The following RABGAP1L variants were observed in gnomAD, a reference collection of about 807,000 sequenced individuals.
The protein encoded by RABGAP1L is rab GTPase-activating protein 1-like.
Under a neutral mutation model 137.7 loss-of-function variants are expected in RABGAP1L, and 63 were observed. The ratio of observed to expected loss-of-function variants is 0.46; its 90% confidence interval spans 0.37 to 0.56. RABGAP1L has a LOEUF of 0.56. Among genes scored for constraint, RABGAP1L ranks in the 20% least tolerant of loss-of-function variants. The pLI, the probability that RABGAP1L is intolerant of heterozygous loss-of-function variation, is 0.00. For missense variants in RABGAP1L, 1,095 were observed against 1,244.0 expected (o/e 0.88, Z 1.80); for synonymous variants, 431 against 433.7 (o/e 0.99, Z 0.08).
chr1:174,969,003 T>G (rs1215563503), intron 20 of RABGAP1L, among the ~76,000 whole-genome samples: 1 of 152,184 alleles, frequency 6.6e-6, no homozygotes, highest in African/African-American at 2.4e-5. Flanking sequence ...GGGGATATGC[T>G]CAGAAAGTTT....
intron 19 of RABGAP1L, among the ~76,000 whole-genome samples, chr1:174,920,339 G>C (rs778864900): frequency 1.3e-5 from 2 of 152,174 alleles, no homozygotes; most frequent in Non-Finnish European, 2.9e-5. Context: ...GAGAGAGCTG[G>C]TGCAGGGAAA....
intron 18 of RABGAP1L, among the ~76,000 whole-genome samples, chr1:174,776,392 T>A (rs538752512): frequency 2.9e-4 from 44 of 151,510 alleles, no homozygotes; most frequent in South Asian, 2.3e-3. Context: ...AAAAAAAAAA[T>A]AATAATAAAG....
chr1:174,578,307 C>T (rs1027316096), intron 13 of RABGAP1L, among the ~76,000 whole-genome samples: 1 of 152,132 alleles, frequency 6.6e-6, no homozygotes, highest in Admixed American at 6.5e-5. Context: ...GCCTCAGCTT[C>T]CTGAGTAGCT....
At chr1:174,449,968 T>C (rs1358197593) in intron 13 of RABGAP1L, among the ~76,000 whole-genome samples, 2 of 152,194 alleles carry the variant, frequency 1.3e-5, no homozygotes, top group African/African-American at 4.8e-5. Flanking sequence ...AAGAATCTAC[T>C]GTATAGAGCA....
chr1:174,503,394 G>A (rs963923709), intron 13 of RABGAP1L, among the ~76,000 whole-genome samples: 1 of 152,140 alleles, frequency 6.6e-6, no homozygotes, highest in African/African-American at 2.4e-5. Context: ...CAGCATGATG[G>A]CTCATGCCTG....
chr1:174,723,246 T>C (rs1681721167), intron 17 of RABGAP1L, among the ~76,000 whole-genome samples: 1 of 152,164 alleles, frequency 6.6e-6, no homozygotes, highest in African/African-American at 2.4e-5. Context: ...GGCTCATTTT[T>C]GTATTTTTAG....
intron 13 of RABGAP1L, among the ~76,000 whole-genome samples, chr1:174,454,936 G>C (rs1655880433): frequency 1.3e-5 from 2 of 152,074 alleles, no homozygotes; most frequent in Admixed American, 1.3e-4. Flanking sequence ...CTCTGCGTTA[G>C]GAAATAGGCT....
intron 13 of RABGAP1L, among the ~76,000 whole-genome samples, chr1:174,587,013 C>A (rs2148112920): frequency 6.6e-6 from 1 of 151,776 alleles, no homozygotes; most frequent in South Asian, 2.1e-4. Context: ...GTTTTTTGTT[C>A]TTGCGATAGT....
chr1:174,637,058 C>T (rs373520848), intron 13 of RABGAP1L, among the ~76,000 whole-genome samples: 141 of 152,134 alleles, frequency 9.3e-4, no homozygotes, highest in African/African-American at 3.1e-3. Flanking sequence ...CTATGTTATC[C>T]CATTAAGTGA....
intron 13 of RABGAP1L, among the ~76,000 whole-genome samples, chr1:174,416,645 A>G (rs536623139): frequency 1.3e-5 from 2 of 152,232 alleles, no homozygotes; most frequent in South Asian, 4.2e-4. Context: ...AAATATATAT[A>G]AACAAACGTG....
At chr1:174,489,840 C>T (rs1558278025) in intron 13 of RABGAP1L, among the ~76,000 whole-genome samples, 1 of 152,038 alleles carries the variant, frequency 6.6e-6, no homozygotes, top group Non-Finnish European at 1.5e-5. Context: ...CTATGGAGTA[C>T]TATACAAATA....
intron 1 of RABGAP1L, among the ~76,000 whole-genome samples, chr1:174,213,379 T>C (rs1298197295): frequency 1.3e-5 from 2 of 152,176 alleles, no homozygotes; most frequent in East Asian, 3.9e-4. Context: ...GAGCCGAGAT[T>C]GTGCCACTGC....
At chr1:174,541,169 A>G (rs1199727361) in intron 13 of RABGAP1L, among the ~76,000 whole-genome samples, 1 of 152,200 alleles carries the variant, frequency 6.6e-6, no homozygotes, top group Non-Finnish European at 1.5e-5. Context: ...GAAGTTGCTT[A>G]TCAGCTTAGG....
intron 13 of RABGAP1L, among the ~76,000 whole-genome samples, chr1:174,618,166 C>T (rs1310510946): frequency 5.9e-5 from 9 of 152,206 alleles, no homozygotes; most frequent in African/African-American, 2.2e-4. Flanking sequence ...GAGTGGAGCC[C>T]ACCGCAGCTT....
At chr1:174,673,563 G>T (rs1408512527) in intron 14 of RABGAP1L, among the ~76,000 whole-genome samples, 1 of 152,052 alleles carries the variant, frequency 6.6e-6, no homozygotes, top group African/African-American at 2.4e-5. Context: ...AAAGCAAAAA[G>T]AAAATGCTAA....
At chr1:174,940,047 A>G (rs1573925402) in intron 19 of RABGAP1L, among the ~76,000 whole-genome samples, 1 of 152,162 alleles carries the variant, frequency 6.6e-6, no homozygotes, top group South Asian at 2.1e-4. Flanking sequence ...AGGCATCCCA[A>G]TGGAGTTTGG....
intron 19 of RABGAP1L, among the ~76,000 whole-genome samples, chr1:174,918,826 C>CG (rs951386702): frequency 8.4e-6 from 1 of 118,632 alleles, no homozygotes; most frequent in Non-Finnish European, 1.8e-5. Flanking sequence ...GAGACCCACC[C>CG]CCCCGATCTC....
At chr1:174,331,254 C>T (rs750437014) in intron 11 of RABGAP1L, among the ~76,000 whole-genome samples, 2 of 152,122 alleles carry the variant, frequency 1.3e-5, no homozygotes, top group Admixed American at 6.5e-5. Flanking sequence ...ACAGGAGAAA[C>T]ACTGTAAGTG....
At chr1:174,910,285 T>C (rs1438966373) in intron 19 of RABGAP1L, among the ~76,000 whole-genome samples, 4 of 152,084 alleles carry the variant, frequency 2.6e-5, no homozygotes, top group African/African-American at 9.7e-5. Flanking sequence ...CAAGAACCAT[T>C]TGATTATTTC....
Sources: allele counts gnomAD v4.1 joint callset (sites outside exome capture counted in the v4.1 genomes callset), GRCh38; gene constraint gnomAD v4.1.1; transcripts MANE v1.5; gene names NCBI Gene and HGNC (gene_info 2026-07-23, HGNC 2026-07-21).